Variants in ZFAND6 observed in about 807,000 individuals in gnomAD.
ZFAND6 encodes AN1-type zinc finger protein 6.
In ZFAND6, 12 loss-of-function variants were observed where a neutral mutation model predicts 24.5. The ratio of observed to expected loss-of-function variants is 0.49; its 90% confidence interval spans 0.31 to 0.79. ZFAND6 has a LOEUF of 0.79. Ranked by LOEUF, ZFAND6 falls within the 30% of genes least tolerant of loss-of-function variation. The probability of loss-of-function intolerance (pLI) is 0.04; values close to 1 mark genes in which losing one functional copy is unlikely to be tolerated. For synonymous variants in ZFAND6, 92 were observed against 81.5 expected, an observed-to-expected ratio of 1.13 and a Z score of -0.69; for missense variants, 207 against 245.9, an observed-to-expected ratio of 0.84 and a Z score of 1.06.
intron 1 of ZFAND6, among the ~76,000 whole-genome samples, chr15:80,079,997 CCTTT>C (rs2037556202): frequency 3.3e-5 from 5 of 150,638 alleles, no homozygotes; most frequent in South Asian, 2.1e-4. Flanking sequence ...GTTTTTTTTC[CCTTT>C]CTTTTTTTTT....
At chr15:80,085,459 C>T (rs2037934220) in intron 1 of ZFAND6, among the ~76,000 whole-genome samples, 1 of 152,162 alleles carries the variant, frequency 6.6e-6, no homozygotes, top group East Asian at 1.9e-4. Flanking sequence ...CCAGAGCTTT[C>T]GTAATCAACT....
At chr15:80,062,389 A>G (rs1176451431) in intron 1 of ZFAND6, among the ~76,000 whole-genome samples, 2 of 152,328 alleles carry the variant, frequency 1.3e-5, no homozygotes, top group South Asian at 2.1e-4. Flanking sequence ...TTAACTCCAT[A>G]TTTAAATATG....
chr15:80,121,456 G>T lies in ZFAND6; in HGVS notation c.155-256G>T, dbSNP rs563562615. Among the ~76,000 whole-genome samples, 153 of 152,220 alleles carry T rather than the reference G, an allele frequency of 1.0e-3. 1 individual carries two copies. The South Asian group carries it at 0.019, about 19-fold the overall frequency. On this transcript the variant is annotated intron_variant, in intron 3 of 6. Transcript: ENST00000261749. ...TTTGAATTAAAGCATTTGGGCTTGGGTGCTATTCAGTCCTAAGAAATAGGA... is the reference window on the plus strand; with the variant it reads ...TTTGAATTAAAGCATTTGGGCTTGGTTGCTATTCAGTCCTAAGAAATAGGA...
intron 5 of ZFAND6, among the ~76,000 whole-genome samples, chr15:80,128,426 GAA>G (rs763661935): frequency 2.6e-5 from 4 of 152,238 alleles, no homozygotes; most frequent in African/African-American, 9.6e-5. Context: ...GAGAAAGAGT[GAA>G]AAGACTGTTT....
At chr15:80,115,616 T>C (rs2039837911) in intron 2 of ZFAND6, among the ~76,000 whole-genome samples, 1 of 152,236 alleles carries the variant, frequency 6.6e-6, no homozygotes, top group Non-Finnish European at 1.5e-5. Flanking sequence ...TATGGTTTTT[T>C]GTCTTTTTCA....
chr15:80,073,228 T>A, intron 1 of ZFAND6: 1 of 240,754 alleles, frequency 4.2e-6, no homozygotes, highest in Non-Finnish European at 8.8e-6. Flanking sequence ...GAAACTGCTT[T>A]CTTCTTACTT....
chr15:80,116,514 G>C (rs1161083446), intron 2 of ZFAND6, among the ~76,000 whole-genome samples: 1 of 152,150 alleles, frequency 6.6e-6, no homozygotes, highest in East Asian at 1.9e-4. Flanking sequence ...TAAAAAGTCT[G>C]CCTTAATAAC....
chr15:80,115,891 A>G lies in ZFAND6; in HGVS notation c.-17-4437A>G, dbSNP rs866243167. Among the ~76,000 whole-genome samples, 5 of 152,184 alleles carry G rather than the reference A, an allele frequency of 3.3e-5. No homozygotes were observed. The South Asian group carries it at 6.2e-4, about 19-fold the overall frequency. ...ATTGTACTTTCATCTATGACTTTTT[A>G]CTTGAGTTTTTATGGAAATATATTT... On this transcript the variant is annotated intron_variant, in intron 2 of 6. Transcript: ENST00000261749.
intron 6 of ZFAND6, among the ~76,000 whole-genome samples, chr15:80,133,337 T>C (rs2040702871): frequency 6.6e-6 from 1 of 151,900 alleles, no homozygotes; most frequent in South Asian, 2.1e-4. Context: ...TGATTACAGG[T>C]GTGTGCCACC....
intron 1 of ZFAND6, among the ~76,000 whole-genome samples, chr15:80,091,215 C>T (rs979819238): frequency 1.3e-5 from 2 of 151,564 alleles, no homozygotes; most frequent in Non-Finnish European, 2.9e-5. Context: ...TGTAGTTTCT[C>T]ACCCTATTAG....
intron 2 of ZFAND6, among the ~76,000 whole-genome samples, chr15:80,103,403 G>T (rs2039139223): frequency 6.6e-6 from 1 of 152,084 alleles, no homozygotes; most frequent in African/African-American, 2.4e-5. Flanking sequence ...GGAGAATTTG[G>T]TGGGATTAAT....
At chr15:80,116,187 T>C (rs959830879) in intron 2 of ZFAND6, among the ~76,000 whole-genome samples, 1 of 152,120 alleles carries the variant, frequency 6.6e-6, no homozygotes, top group African/African-American at 2.4e-5. Flanking sequence ...TTTATGTATA[T>C]CTGTGTTTTA....
chr15:80,101,623 C>T (rs1037538731), intron 2 of ZFAND6, among the ~76,000 whole-genome samples: 5 of 152,098 alleles, frequency 3.3e-5, no homozygotes, highest in African/African-American at 1.2e-4. Flanking sequence ...AATGTATTTG[C>T]ATTAAACATG....
chr15:80,066,709 C>T (rs1336410677), intron 1 of ZFAND6, among the ~76,000 whole-genome samples: 2 of 151,848 alleles, frequency 1.3e-5, no homozygotes, highest in Non-Finnish European at 2.9e-5. Flanking sequence ...CCAGCCTGGC[C>T]AACGTGGCGA....
At chr15:80,087,232 A>G (rs1167582991) in intron 1 of ZFAND6, among the ~76,000 whole-genome samples, 1 of 152,234 alleles carries the variant, frequency 6.6e-6, no homozygotes. Flanking sequence ...CGAAATGGTC[A>G]AACTGTTTTC....
chr15:80,113,360 A>T (rs2039705159), intron 2 of ZFAND6, among the ~76,000 whole-genome samples: 1 of 152,146 alleles, frequency 6.6e-6, no homozygotes, highest in Non-Finnish European at 1.5e-5. Flanking sequence ...CTAGCAACTA[A>T]TTTTTTTAAA....
chr15:80,107,940 T>C (rs2039422984), intron 2 of ZFAND6, among the ~76,000 whole-genome samples: 1 of 152,054 alleles, frequency 6.6e-6, no homozygotes, highest in Non-Finnish European at 1.5e-5. Flanking sequence ...CAGATACGCT[T>C]TGGGAACTAC....
At chr15:80,078,522 CGAGTGCAT>C (rs1567056436) in intron 1 of ZFAND6, among the ~76,000 whole-genome samples, 1 of 152,136 alleles carries the variant, frequency 6.6e-6, no homozygotes, top group Non-Finnish European at 1.5e-5. Context: ...TGAACATAAA[CGAGTGCAT>C]GTGTCTTTTT....
At chr15:80,100,176 G>T (rs916250504) in intron 2 of ZFAND6, among the ~76,000 whole-genome samples, 1 of 151,992 alleles carries the variant, frequency 6.6e-6, no homozygotes, top group African/African-American at 2.4e-5. Context: ...GCAGTTTTAG[G>T]GTCTGTAAAA....
Sources: allele counts gnomAD v4.1 joint callset (sites outside exome capture counted in the v4.1 genomes callset), GRCh38; gene constraint gnomAD v4.1.1; transcripts MANE v1.5; gene names NCBI Gene and HGNC (gene_info 2026-07-23, HGNC 2026-07-21).